Variants in PPM1A observed in about 807,000 individuals in gnomAD.
PPM1A encodes the protein protein phosphatase, Mg2+/Mn2+ dependent 1A, also known as protein phosphatase 1A.
Under a neutral mutation model 35.0 loss-of-function variants are expected in PPM1A, and 7 were observed. That is an observed-to-expected ratio of 0.20 (90% CI 0.11 to 0.38). The LOEUF is 0.38. Ranked by LOEUF, PPM1A falls within the 10% of genes least tolerant of loss-of-function variation. The pLI, the probability that PPM1A is intolerant of heterozygous loss-of-function variation, is 1.00. For missense variants in PPM1A, 239 were observed against 467.8 expected (o/e 0.51, Z 4.51); for synonymous variants, 153 against 167.3 (o/e 0.91, Z 0.66).
intron 1 of PPM1A, among the ~76,000 whole-genome samples, chr14:60,276,309 G>A (rs1428698221): frequency 2.0e-5 from 3 of 152,044 alleles, no homozygotes; most frequent in Non-Finnish European, 2.9e-5. Flanking sequence ...CACCTTCCCC[G>A]AGGAGCTTGT....
rs1888117043 is a variant in PPM1A at position 60,297,105 on chromosome 14, C to G, written c.*4623C>G. 1 of 152,634 alleles carries G rather than the reference C, an allele frequency of 6.6e-6. No individual in the cohort carries two copies. 9.5% of individuals were successfully genotyped at this position (152,634 alleles called of 1,614,324 possible). ...CGAAATATTGCCCTTGTTTCCTCTA[C>G]TTTCCTCTTGGTGTTTTCTCTTTTT... On this transcript the variant is annotated 3_prime_UTR_variant, in exon 6 of 6. Coordinates refer to ENST00000395076, the MANE Select transcript of PPM1A (RefSeq NM_021003.5).
intron 1 of PPM1A, among the ~76,000 whole-genome samples, chr14:60,255,211 G>T (rs1412738547): frequency 7.6e-6 from 1 of 131,584 alleles, no homozygotes. Context: ...TCGCTCTGTC[G>T]CCCAGGCTGG....
In PPM1A at chr14:60,282,967, T is replaced by TGCA. The variant is rs1886574070; in HGVS notation, c.266_268dup (p.Ala89dup). On this transcript the variant is annotated inframe_insertion, in exon 2 of 6. Transcript: ENST00000395076. This position sits in a 1 kb window ranked among gnomAD's most constrained non-coding sequence, Gnocchi z 5.1. Reference sequence around the variant, plus strand: ...CCAATAACCAGGATTTTAAAGGGTCTGCAGGAGCACCTTCTGTGGAAAATG... The same window carrying TGCA: ...CCAATAACCAGGATTTTAAAGGGTCTGCAGCAGGAGCACCTTCTGTGGAAAATG... 1 of 1,614,256 alleles carries TGCA rather than the reference T, an allele frequency of 6.2e-7. No individual in the cohort carries two copies. The highest frequency in any genetic ancestry group is 1.1e-5 in the South Asian group (1 of 91,082).
At chr14:60,247,333 C>T (rs1022621053), upstream of PPM1A, among the ~76,000 whole-genome samples, 5 of 151,988 alleles carry the variant, frequency 3.3e-5, no homozygotes, top group African/African-American at 1.2e-4. Context: ...CCACGATCAT[C>T]TTCTAAGGAA....
In PPM1A at chr14:60,297,089, G is replaced by A. The variant is rs1888115694; in HGVS notation, c.*4607G>A. 1 of 154,748 alleles carries A rather than the reference G, an allele frequency of 6.5e-6. No individual in the cohort carries two copies. The highest frequency in any genetic ancestry group is 1.4e-5 in the Non-Finnish European group (1 of 69,884). 9.6% of individuals were successfully genotyped at this position (154,748 alleles called of 1,614,324 possible). On this transcript the variant is annotated 3_prime_UTR_variant, in exon 6 of 6. Transcript: ENST00000395076. The stretch of plus-strand genomic sequence containing the variant: ...TCTTCCTTATCCTGCACGAAATATT[G>A]CCCTTGTTTCCTCTACTTTCCTCTT...
chr14:60,276,952 A>G lies in PPM1A; in HGVS notation c.-20-5732A>G, dbSNP rs570694897. 389 of 840,626 alleles carry G rather than the reference A, an allele frequency of 4.6e-4. No homozygotes were observed. In the African/African-American group the frequency reaches 6.8e-3, roughly 15 times the overall value. 52.1% of individuals were successfully genotyped at this position (840,626 alleles called of 1,614,324 possible). The stretch of plus-strand genomic sequence containing the variant: ...GGTTTTTAAAAGGTACAAAATGTTC[A>G]TGAAATTTTCTGATTATATCAAATA... On this transcript the variant is annotated intron_variant, in intron 1 of 5. Transcript: ENST00000395076.
intron 1 of PPM1A, among the ~76,000 whole-genome samples, chr14:60,263,425 TTTA>T (rs1319374216): frequency 2.6e-5 from 4 of 152,216 alleles, no homozygotes; most frequent in Non-Finnish European, 5.9e-5. Flanking sequence ...AAATGGCAAC[TTTA>T]TTATTTTATT....
chr14:60,278,737 C>G (rs2139503573), intron 1 of PPM1A, among the ~76,000 whole-genome samples: 1 of 152,298 alleles, frequency 6.6e-6, no homozygotes, highest in Non-Finnish European at 1.5e-5. Context: ...TGTTTTTATA[C>G]TTTTAGCAAA....
intron 1 of PPM1A, among the ~76,000 whole-genome samples, chr14:60,263,798 T>C (rs1010671857): frequency 6.6e-6 from 1 of 152,206 alleles, no homozygotes; most frequent in African/African-American, 2.4e-5. Context: ...AGATGTACTA[T>C]CTTATGTTTG....
At chr14:60,269,331 G>T (rs1402620111) in intron 1 of PPM1A, among the ~76,000 whole-genome samples, 2 of 152,040 alleles carry the variant, frequency 1.3e-5, no homozygotes, top group African/African-American at 4.8e-5. Context: ...ATGAAACATG[G>T]ATAACACTAC....
chr14:60,296,751 GA>G lies in PPM1A; in HGVS notation c.*4271del, dbSNP rs1451220823. The stretch of plus-strand genomic sequence containing the variant: ...TAATACTGTATTGTTTTGTTGATCA[GA>G]ATAATAAGTCTCAGTTAAATGTTTG... On this transcript the variant is annotated 3_prime_UTR_variant, in exon 6 of 6. Transcript: ENST00000395076. This position sits in a 1 kb window ranked among gnomAD's most constrained non-coding sequence, Gnocchi z 4.4. 3 of 346,116 alleles carry G rather than the reference GA, an allele frequency of 8.7e-6. No homozygotes were observed. Among genetic ancestry groups the G allele is most frequent in the Non-Finnish European group, 1.6e-5 (3 of 188,642 alleles). The allele number at this position is 346,116 out of a possible 1,614,324, so 21.4% of individuals were successfully genotyped here.
Position 60,285,610 on chromosome 14 carries a change from T to G in PPM1A, c.835-14T>G, listed in dbSNP as rs374056353. 1.0e-4 allele frequency: 163 copies of G among 1,610,990 alleles called. No individual in the cohort carries two copies. The African/African-American group carries it at 2.0e-3, about 20-fold the overall frequency. On this transcript the variant is annotated splice_polypyrimidine_tract_variant and intron_variant, in intron 2 of 5. Transcript: ENST00000395076. ...AAAGAAAACTAAAATATTCTCAAAT[T>G]TTTTTCTTCCCAGGGAAGTCGAGAC...
At chr14:60,281,549 A>G (rs751464897) in intron 1 of PPM1A, among the ~76,000 whole-genome samples, 1 of 152,016 alleles carries the variant, frequency 6.6e-6, no homozygotes, top group African/African-American at 2.4e-5. Context: ...ATTCCCTACT[A>G]CCTAACTCCT....
intron 1 of PPM1A, among the ~76,000 whole-genome samples, chr14:60,281,105 G>C (rs973574989): frequency 3.3e-5 from 5 of 152,104 alleles, no homozygotes; most frequent in Non-Finnish European, 5.9e-5. Context: ...TTACCAGAGG[G>C]ACTTAGAATA....
rs1464461885 is a variant in PPM1A, at chr14:60,296,974, A to C, written c.*4492A>C. On this transcript the variant is annotated 3_prime_UTR_variant, in exon 6 of 6. Coordinates refer to ENST00000395076, the MANE Select transcript of PPM1A (RefSeq NM_021003.5). The surrounding 1 kb of genome is among the most constrained non-coding windows in gnomAD (Gnocchi z 4.4). ...GTAGGAGTGCTAATTAGAAAAACTT[A>C]GATGGTATTGAAATTACAGTTGACA... The C allele has an allele frequency of 8.5e-6, 2 of 236,530 alleles. No individual in the cohort carries two copies. The highest frequency in any genetic ancestry group is 1.6e-5 in the Non-Finnish European group (2 of 124,800). The allele number at this position is 236,530 out of a possible 1,614,324, so 14.7% of individuals were successfully genotyped here. A position where few individuals can be genotyped will look rare whatever the true frequency, so the allele number is the denominator to read the frequency against.
intron 1 of PPM1A, among the ~76,000 whole-genome samples, chr14:60,252,409 C>T (rs1313593758): frequency 6.6e-6 from 1 of 152,164 alleles, no homozygotes; most frequent in East Asian, 1.9e-4. Flanking sequence ...ACTTTCCATC[C>T]TTAATCAAAT....
At chr14:60,291,756 T>G (rs963798211) in intron 5 of PPM1A, among the ~76,000 whole-genome samples, 3 of 151,770 alleles carry the variant, frequency 2.0e-5, no homozygotes, top group African/African-American at 7.3e-5. Flanking sequence ...CATGGTTTTT[T>G]TTTTTTTTTT....
upstream of PPM1A, chr14:60,248,844 G>A (rs1881968353): frequency 6.6e-6 from 1 of 152,448 alleles, no homozygotes; most frequent in Non-Finnish European, 1.5e-5. Context: ...GGCACGGAGG[G>A]GCTGTCGATC....
intron 1 of PPM1A, among the ~76,000 whole-genome samples, chr14:60,270,916 G>C (rs1885009889): frequency 6.6e-6 from 1 of 152,120 alleles, no homozygotes; most frequent in African/African-American, 2.4e-5. Context: ...TGACTATTGG[G>C]CATTCTGCTA....
Sources: allele counts gnomAD v4.1 joint callset (sites outside exome capture counted in the v4.1 genomes callset), GRCh38; gene constraint gnomAD v4.1.1; non-coding constraint Gnocchi (gnomAD v3.1); transcripts MANE v1.5; gene names NCBI Gene and HGNC (gene_info 2026-07-23, HGNC 2026-07-21).